SLC35F4: variants seen among roughly 807,000 people sequenced by gnomAD.
SLC35F4 encodes chromosome 14 open reading frame 36.
A neutral mutation model predicts 44.2 loss-of-function variants in SLC35F4; 24 were observed. The observed-to-expected ratio is 0.54, with a 90% confidence interval of 0.39 to 0.76. The LOEUF (loss-of-function observed/expected upper bound fraction) is 0.76. SLC35F4 is among the 30% of genes least tolerant of loss of function. The pLI, the probability that SLC35F4 is intolerant of heterozygous loss-of-function variation, is 0.00. For synonymous variants in SLC35F4, 238 were observed against 223.6 expected, an observed-to-expected ratio of 1.06 and a Z score of -0.57; for missense variants, 562 against 586.1, an observed-to-expected ratio of 0.96 and a Z score of 0.42.
At chr14:57,861,768 G>A (rs1299392062) in intron 1 of SLC35F4, among the ~76,000 whole-genome samples, 5 of 152,122 alleles carry the variant, frequency 3.3e-5, no homozygotes, top group Non-Finnish European at 5.9e-5. Flanking sequence ...GGTAACACAT[G>A]TTCCTGGTTT....
chr14:57,942,405 C>T (rs1190915117), intron 1 of SLC35F4, among the ~76,000 whole-genome samples: 2 of 152,010 alleles, frequency 1.3e-5, no homozygotes, highest in Non-Finnish European at 2.9e-5. Context: ...GTTCTAAAAT[C>T]TCTTTCATAA....
intron 1 of SLC35F4, among the ~76,000 whole-genome samples, chr14:57,805,421 C>A (rs1321526911): frequency 6.6e-6 from 1 of 152,148 alleles, no homozygotes; most frequent in East Asian, 1.9e-4. Flanking sequence ...ACATATACAC[C>A]ATGGGATACT....
chr14:57,688,574 T>G (rs2075134014), intron 1 of SLC35F4, among the ~76,000 whole-genome samples: 1 of 152,180 alleles, frequency 6.6e-6, no homozygotes, highest in Non-Finnish European at 1.5e-5. Context: ...CAAGATGATC[T>G]GGATGAAATG....
intron 1 of SLC35F4, among the ~76,000 whole-genome samples, chr14:57,927,536 G>C (rs144694344): frequency 0.012 from 1,836 of 151,044 alleles, 20 homozygotes; most frequent in Middle Eastern, 0.058. Context: ...TGTCACCCAG[G>C]CTGGAGTGCA....
chr14:57,936,183 C>A (rs540647750), intron 1 of SLC35F4, among the ~76,000 whole-genome samples: 1 of 152,244 alleles, frequency 6.6e-6, no homozygotes, highest in East Asian at 1.9e-4. Context: ...AAAAGATGGA[C>A]CATTTGCTAA....
chr14:57,733,247 C>T (rs1470569995), intron 1 of SLC35F4, among the ~76,000 whole-genome samples: 2 of 151,574 alleles, frequency 1.3e-5, no homozygotes, highest in East Asian at 3.9e-4. Flanking sequence ...GTTTCATATT[C>T]ATAAGTCAGG....
At chr14:57,923,629 C>T (rs948713860) in intron 1 of SLC35F4, among the ~76,000 whole-genome samples, 1 of 152,222 alleles carries the variant, frequency 6.6e-6, no homozygotes, top group Non-Finnish European at 1.5e-5. Context: ...CCAAAGCCTC[C>T]TTCTCAATGC....
intron 1 of SLC35F4, among the ~76,000 whole-genome samples, chr14:57,931,272 G>C (rs1889691799): frequency 6.6e-6 from 1 of 152,100 alleles, no homozygotes; most frequent in Non-Finnish European, 1.5e-5. Flanking sequence ...GATACCTAGA[G>C]GCTAGAAAAA....
intron 1 of SLC35F4, among the ~76,000 whole-genome samples, chr14:57,700,243 T>C (rs769938409): frequency 1.6e-4 from 25 of 152,342 alleles, no homozygotes; most frequent in Middle Eastern, 3.4e-3. Context: ...TACTGAATAC[T>C]ATTTGCAGTT....
chr14:57,736,936 A>G (rs2076479307), intron 1 of SLC35F4, among the ~76,000 whole-genome samples: 2 of 142,354 alleles, frequency 1.4e-5, no homozygotes, highest in African/African-American at 4.9e-5. Flanking sequence ...CAATAATGAG[A>G]AACACTGCAC....
chr14:57,815,970 T>C (rs192243630), intron 1 of SLC35F4, among the ~76,000 whole-genome samples: 2 of 152,180 alleles, frequency 1.3e-5, no homozygotes, highest in East Asian at 3.9e-4. Context: ...AAAAACCTAT[T>C]GATAAAGAAG....
In SLC35F4 at chr14:57,901,779, A is replaced by G. The variant is rs10137366; in HGVS notation, n.282+80134T>C. Reference sequence around the variant, plus strand: ...GTTAGAAAATGCTTCCACGTATGCTATATCATTTTATTCTCATTATACCCT... The same window carrying G: ...GTTAGAAAATGCTTCCACGTATGCTGTATCATTTTATTCTCATTATACCCT... On this transcript the variant is annotated intron_variant and non_coding_transcript_variant, in intron 1 of 1. Transcript: ENST00000556568. 9.5e-3 allele frequency among the ~76,000 whole-genome samples: 1,449 copies of G among 152,338 alleles called. 26 individuals carry two copies. Among genetic ancestry groups the G allele is most frequent in the African/African-American group, 0.033 (1,388 of 41,568 alleles).
intron 1 of SLC35F4, among the ~76,000 whole-genome samples, chr14:57,607,039 T>C (rs2071204066): frequency 6.6e-6 from 1 of 152,122 alleles, no homozygotes; most frequent in South Asian, 2.1e-4. Flanking sequence ...GAAAAGCCAA[T>C]TATACAAGCA....
At chr14:57,731,755 A>T (rs1476332752) in intron 1 of SLC35F4, among the ~76,000 whole-genome samples, 1 of 152,248 alleles carries the variant, frequency 6.6e-6, no homozygotes, top group Non-Finnish European at 1.5e-5. Context: ...GAGGAAAAGA[A>T]TTCAGAAAGA....
chr14:57,785,152 G>C (rs778228233), intron 1 of SLC35F4, among the ~76,000 whole-genome samples: 1 of 152,072 alleles, frequency 6.6e-6, no homozygotes, highest in Admixed American at 6.5e-5. Flanking sequence ...CCTGTGCAAA[G>C]GTCAGCTATG....
intron 1 of SLC35F4, among the ~76,000 whole-genome samples, chr14:57,788,296 TAGAC>T (rs1460169015): frequency 6.7e-6 from 1 of 150,114 alleles, no homozygotes; most frequent in African/African-American, 2.4e-5. Flanking sequence ...AGAAATGAGA[TAGAC>T]AGCAACACAG....
intron 1 of SLC35F4, among the ~76,000 whole-genome samples, chr14:57,981,465 G>A (rs1041777088): frequency 2.0e-5 from 3 of 152,140 alleles, no homozygotes; most frequent in African/African-American, 7.2e-5. Context: ...GAAAAAGGCT[G>A]TTCTTGCGCT....
At chr14:57,687,184 C>G (rs1050255017) in intron 1 of SLC35F4, among the ~76,000 whole-genome samples, 1 of 152,140 alleles carries the variant, frequency 6.6e-6, no homozygotes, top group East Asian at 1.9e-4. Context: ...TTCATTTAAG[C>G]TCCCCAGTCT....
chr14:57,568,363 G>T (rs747504343), intron 6 of SLC35F4, among the ~76,000 whole-genome samples: 5 of 152,248 alleles, frequency 3.3e-5, no homozygotes, highest in Non-Finnish European at 7.3e-5. Context: ...GAAATCACAT[G>T]TGCAATGAGG....
Sources: allele counts gnomAD v4.1 joint callset (sites outside exome capture counted in the v4.1 genomes callset), GRCh38; gene constraint gnomAD v4.1.1; transcripts MANE v1.5; gene names NCBI Gene and HGNC (gene_info 2026-07-23, HGNC 2026-07-21).